The following EFCAB8 variants were observed in gnomAD, a reference collection of about 807,000 sequenced individuals.
EFCAB8 encodes the protein EF-hand calcium binding domain 8.
A neutral mutation model predicts 116.3 loss-of-function variants in EFCAB8; 100 were observed. The ratio of observed to expected loss-of-function variants is 0.86; its 90% CI spans 0.73 to 1.02. EFCAB8 has a LOEUF of 1.02. EFCAB8 is among the 50% of genes least tolerant of loss of function. The pLI is 0.00. For missense variants in EFCAB8, 1,320 were observed against 1,416.9 expected (o/e 0.93, Z 1.10); for synonymous variants, 558 against 567.9 (o/e 0.98, Z 0.25).
chr20:32,909,856 G>A lies in EFCAB8; in HGVS notation c.1482G>A (p.Gly494=). ...TAAAAGGGTACTTAGAGGCCCAGGG[G>A]CTTATCAAAGCAAGGAAGAGGACCA... The part of the protein sequence containing the change: ...GILKGYLEAQ[G]LIKARKRTTH... The change falls in exon 15 of 27, where the codon GGG becomes GGA. Residue 494 remains glycine, a synonymous_variant. Coordinates refer to ENST00000400522, the MANE Select transcript of EFCAB8 (RefSeq NM_001143967.2). 3.2e-6 allele frequency: 4 copies of A among 1,249,952 alleles called. No homozygotes were observed. The highest frequency in any genetic ancestry group is 4.0e-6 in the Non-Finnish European group (4 of 988,272). 77.4% of individuals were successfully genotyped at this position (1,249,952 alleles called of 1,614,324 possible).
At chr20:32,861,817 A>G (rs1984129024) in intron 1 of EFCAB8, among the ~76,000 whole-genome samples, 2 of 152,204 alleles carry the variant, frequency 1.3e-5, no homozygotes, top group South Asian at 2.1e-4. Context: ...CCATAATCTC[A>G]CCTACCAGAG....
In EFCAB8 at chr20:32,893,348, G is replaced by A. The variant is rs1310333945; in HGVS notation, c.883+50G>A. 2.6e-6 allele frequency: 4 copies of A among 1,549,940 alleles called. No individual in the cohort carries two copies. The Admixed American group carries it at 5.9e-5, about 23-fold the overall frequency. On this transcript the variant is annotated intron_variant, in intron 9 of 26. Transcript: ENST00000400522. ...GCAGAGGCCTGGGCATGGCCTAGATGTGGGTGCTGAGGTCATCCTGGTCCC... is the reference window on the plus strand; with the variant it reads ...GCAGAGGCCTGGGCATGGCCTAGATATGGGTGCTGAGGTCATCCTGGTCCC...
intron 23 of EFCAB8, among the ~76,000 whole-genome samples, chr20:32,952,560 A>G (rs1398737077): frequency 8.5e-5 from 13 of 152,312 alleles, no homozygotes; most frequent in Admixed American, 6.5e-4. Context: ...GGCCACTCAT[A>G]CATCTACTCC....
intron 22 of EFCAB8, among the ~76,000 whole-genome samples, chr20:32,935,570 A>G (rs113566175): frequency 2.9e-4 from 44 of 150,650 alleles, no homozygotes; most frequent in Middle Eastern, 3.5e-3. Context: ...GCAATGGCGC[A>G]ATTGCAGCTC....
intron 7 of EFCAB8, among the ~76,000 whole-genome samples, chr20:32,889,982 C>CAG (rs1180252658): frequency 7.2e-6 from 1 of 138,648 alleles, no homozygotes; most frequent in Non-Finnish European, 1.5e-5. Flanking sequence ...GCATGGGCGA[C>CAG]AGAGAGAGAC....
intron 19 of EFCAB8, 139 bp downstream of exon 19, chr20:32,918,713 C>T (rs1188299975): frequency 1.2e-6 from 1 of 827,602 alleles, no homozygotes; most frequent in Admixed American, 2.4e-5. Flanking sequence ...TTGTTTTGAG[C>T]ATTGTGGGCC....
At chr20:32,890,647 A>G (rs4911273) in intron 7 of EFCAB8, among the ~76,000 whole-genome samples, 118,463 of 152,142 alleles carry the variant, frequency 0.78, 46,416 homozygotes, top group Middle Eastern at 0.87. Context: ...AGTACATGAA[A>G]TGACAGCTGG....
At chr20:32,871,044 G>T (rs1984659860) in intron 3 of EFCAB8, among the ~76,000 whole-genome samples, 1 of 151,726 alleles carries the variant, frequency 6.6e-6, no homozygotes, top group Non-Finnish European at 1.5e-5. Context: ...GTAGAGACAG[G>T]GTTTCACCAT....
At chr20:32,925,054 C>T (rs374029949) in intron 20 of EFCAB8, among the ~76,000 whole-genome samples, 85 of 152,152 alleles carry the variant, frequency 5.6e-4, no homozygotes, top group Non-Finnish European at 5.0e-4. Context: ...GGTAAGGACA[C>T]CAGACAGGGA....
At chr20:32,933,671 C>T (rs183904356) in intron 22 of EFCAB8, among the ~76,000 whole-genome samples, 272 of 152,292 alleles carry the variant, frequency 1.8e-3, no homozygotes, top group African/African-American at 6.3e-3. Flanking sequence ...ATTCTCCTTT[C>T]TACTTCTTTT....
At chr20:32,910,738 CTTTTTTTT>C (rs34185318) in intron 15 of EFCAB8, among the ~76,000 whole-genome samples, 4 of 107,314 alleles carry the variant, frequency 3.7e-5, no homozygotes, top group African/African-American at 1.2e-4. Context: ...TCACTTGCTA[CTTTTTTTT>C]TTTTTTTTTT....
intron 9 of EFCAB8, among the ~76,000 whole-genome samples, chr20:32,895,390 T>C (rs1986108053): frequency 6.7e-6 from 1 of 149,696 alleles, no homozygotes; most frequent in Admixed American, 6.7e-5. Context: ...AGTGGTATGA[T>C]CATGGCTCAC....
intron 3 of EFCAB8, among the ~76,000 whole-genome samples, chr20:32,873,251 C>G (rs936055298): frequency 3.3e-5 from 5 of 151,938 alleles, no homozygotes; most frequent in Non-Finnish European, 7.4e-5. Flanking sequence ...GGAAGGCTTC[C>G]CTATGGAAGG....
At chr20:32,902,355 A>T (rs962440645) in intron 11 of EFCAB8, among the ~76,000 whole-genome samples, 12 of 152,080 alleles carry the variant, frequency 7.9e-5, no homozygotes, top group Admixed American at 5.2e-4. Flanking sequence ...TTTTTGGGGT[A>T]GGGTAGAGAA....
intron 5 of EFCAB8, among the ~76,000 whole-genome samples, chr20:32,882,765 G>A (rs1035037233): frequency 2.0e-5 from 3 of 151,464 alleles, no homozygotes; most frequent in Admixed American, 2.0e-4. Context: ...GTGCAATCTC[G>A]GCTCACTGCA....
At chr20:32,899,386 C>T (rs909014939) in intron 11 of EFCAB8, among the ~76,000 whole-genome samples, 2 of 127,712 alleles carry the variant, frequency 1.6e-5, no homozygotes, top group Non-Finnish European at 3.2e-5. Flanking sequence ...GCCTGGGGGA[C>T]ACAGTGAGAC....
At chr20:32,904,245 G>A (rs570788194) in intron 11 of EFCAB8, among the ~76,000 whole-genome samples, 6 of 131,262 alleles carry the variant, frequency 4.6e-5, no homozygotes, top group South Asian at 5.2e-4. Flanking sequence ...CTCCTGCCTC[G>A]ACCTGCCAAA....
intron 6 of EFCAB8, among the ~76,000 whole-genome samples, chr20:32,885,886 G>A (rs1985600416): frequency 1.3e-5 from 2 of 152,192 alleles, no homozygotes. Flanking sequence ...AAATCCATTA[G>A]CCCAAACAGG....
In EFCAB8 at chr20:32,911,503, C is replaced by T. The variant is rs1347005802; in HGVS notation, c.1581C>T (p.Gly527=). Residue 527 remains glycine (G), a synonymous_variant, in exon 16 of 27, where the codon GGC becomes GGT. Transcript: ENST00000400522. ...FKQVVSGCLR[G]TVSVWEVVTG... Reference sequence around the variant, plus strand: ...AGGTGGTGAGTGGCTGCCTGCGCGGCACAGTGAGTGTGTGGGAGGTCGTGA... The same window carrying T: ...AGGTGGTGAGTGGCTGCCTGCGCGGTACAGTGAGTGTGTGGGAGGTCGTGA... The T allele has an allele frequency of 2.7e-6, 4 of 1,499,148 alleles. No homozygotes were observed. Among genetic ancestry groups the T allele is most frequent in the Non-Finnish European group, 3.6e-6 (4 of 1,117,324 alleles). The allele number at this position is 1,499,148 out of a possible 1,614,324, so 92.9% of individuals were successfully genotyped here.
Sources: allele counts gnomAD v4.1 joint callset (sites outside exome capture counted in the v4.1 genomes callset), GRCh38; gene constraint gnomAD v4.1.1; transcripts MANE v1.5; gene names NCBI Gene and HGNC (gene_info 2026-07-23, HGNC 2026-07-21).